IFI27L1: variants seen among roughly 807,000 people sequenced by gnomAD.
IFI27L1 encodes the protein interferon alpha-inducible protein 27-like protein 1.
Under a neutral mutation model 9.2 loss-of-function variants are expected in IFI27L1, and 3 were observed. That is an observed-to-expected ratio of 0.32 (90% CI 0.15 to 0.84). The LOEUF (loss-of-function observed/expected upper bound fraction) is 0.84. Ranked by LOEUF, IFI27L1 falls within the 40% of genes least tolerant of loss-of-function variation. The pLI is 0.56. For missense variants in IFI27L1, 133 were observed against 134.2 expected (o/e 0.99, Z 0.05); for synonymous variants, 53 against 50.0 (o/e 1.06, Z -0.26).
In IFI27L1 at chr14:94,092,555, A is replaced by C. The variant is rs573548457; in HGVS notation, c.-51-4332A>C. Among the ~76,000 whole-genome samples, 28 of 152,300 alleles carry C rather than the reference A, an allele frequency of 1.8e-4. No individual in the cohort carries two copies. In the South Asian group the frequency reaches 5.8e-3, roughly 32 times the overall value. On this transcript the variant is annotated intron_variant, in intron 1 of 4. Coordinates refer to ENST00000555523, the MANE Select transcript of IFI27L1 (RefSeq NM_206949.3). ...ACAAAAAAAACTTTACAGACAAATC[A>C]ATCTTAATCAGTTTGTCTATGAGGC...
intron 2 of IFI27L1, among the ~76,000 whole-genome samples, chr14:94,099,493 A>C (rs546333200): frequency 6.6e-6 from 1 of 152,186 alleles, no homozygotes; most frequent in Non-Finnish European, 1.5e-5. Flanking sequence ...GGAGTGATGC[A>C]GCCACAGGCC....
intron 2 of IFI27L1, among the ~76,000 whole-genome samples, chr14:94,099,449 C>T (rs577239054): frequency 2.0e-5 from 3 of 152,114 alleles, no homozygotes; most frequent in South Asian, 2.1e-4. Context: ...TCTCAGAGAG[C>T]GGGGAGTGAA....
intron 1 of IFI27L1, among the ~76,000 whole-genome samples, chr14:94,084,354 T>G (rs978161232): frequency 1.3e-5 from 2 of 152,036 alleles, no homozygotes; most frequent in African/African-American, 2.4e-5. Context: ...ATGCAAAAAT[T>G]AACCAGGCTT....
intron 2 of IFI27L1, among the ~76,000 whole-genome samples, chr14:94,098,967 C>G (rs1428711889): frequency 1.3e-5 from 2 of 152,310 alleles, no homozygotes; most frequent in African/African-American, 4.8e-5. Flanking sequence ...TGCCATTCTG[C>G]CTTTCCCTGA....
chr14:94,100,527 G>A (rs1462885314), intron 2 of IFI27L1: 25 of 985,280 alleles, frequency 2.5e-5, no homozygotes, highest in Admixed American at 6.1e-5. Flanking sequence ...CTTCTGATGC[G>A]GGGACCTGGG....
chr14:94,100,282 G>A, intron 2 of IFI27L1: 1 of 985,406 alleles, frequency 1.0e-6, no homozygotes, highest in Non-Finnish European at 1.2e-6. Flanking sequence ...TCTGTTACTT[G>A]GCTGAGACCA....
chr14:94,101,719 A>T, intron 3 of IFI27L1, 95 bp from the exon 4 acceptor site: 1 of 1,334,300 alleles, frequency 7.5e-7, no homozygotes, highest in Non-Finnish European at 1.1e-6. Context: ...CTGAGAGCAC[A>T]GCAGACCCCT....
intron 1 of IFI27L1, among the ~76,000 whole-genome samples, chr14:94,085,548 G>A (rs551509946): frequency 1.8e-4 from 28 of 152,118 alleles, no homozygotes; most frequent in African/African-American, 5.8e-4. Flanking sequence ...AACACATTTC[G>A]GCGAAACATC....
At chr14:94,098,075 G>C (rs1220313332) in intron 2 of IFI27L1, among the ~76,000 whole-genome samples, 3 of 152,208 alleles carry the variant, frequency 2.0e-5, no homozygotes, top group Non-Finnish European at 4.4e-5. Context: ...GGAGAGGCTA[G>C]TATGGCAGGG....
chr14:94,089,680 A>G (rs1007880555), intron 1 of IFI27L1, among the ~76,000 whole-genome samples: 3 of 152,046 alleles, frequency 2.0e-5, no homozygotes, highest in African/African-American at 7.3e-5. Flanking sequence ...GCCTTATTTT[A>G]CCCAGCTCTT....
In IFI27L1 at chr14:94,100,302, T is replaced by G. The variant is rs961982445; in HGVS notation, c.29-437T>G. The G allele has an allele frequency of 7.1e-6, 7 of 985,306 alleles. No individual in the cohort carries two copies. In the African/African-American group the frequency reaches 1.2e-4, roughly 17 times the overall value. The allele number at this position is 985,306 out of a possible 1,614,324, so 61.0% of individuals were successfully genotyped here. A position where few individuals can be genotyped will look rare whatever the true frequency, so the allele number is the denominator to read the frequency against. ...TACTTGGCTGAGACCAAGGCGCCTC[T>G]TCCTGGGGAGGTGGCTGAGCTCTTT... is the stretch of plus-strand genomic sequence containing the variant. On this transcript the variant is annotated intron_variant, in intron 2 of 4. Transcript: ENST00000555523.
At position 94,101,932 on chromosome 14, in the gene IFI27L1, C is replaced by T. The variant is rs150611249; in HGVS notation, c.180C>T (p.Gly60=). The stretch of plus-strand genomic sequence containing the variant: ...CTACAGCAGCCATTGCCAACGGGGG[C>T]GGAGTTGCTGCTGGCAGTCTGGTGG... The part of the protein sequence containing the change: ...MMSTAAIANG[G]GVAAGSLVAI... Residue 60 remains glycine, a synonymous_variant, in exon 4 of 5, where the codon GGC becomes GGT. Coordinates refer to ENST00000555523, the MANE Select transcript of IFI27L1 (RefSeq NM_206949.3). 1.3e-3 allele frequency: 2,101 copies of T among 1,614,212 alleles called. 5 individuals are homozygous for T. The highest frequency in any genetic ancestry group is 1.5e-3 in the Non-Finnish European group (1,794 of 1,180,034).
chr14:94,094,742 G>C (rs1437970745), intron 1 of IFI27L1: 1 of 152,146 alleles, frequency 6.6e-6, no homozygotes, highest in African/African-American at 2.4e-5. Flanking sequence ...TCTGGATTTG[G>C]CTTGAAGTCT....
At chr14:94,101,077 C>G in intron 3 of IFI27L1, 1 of 563,512 alleles carries the variant, frequency 1.8e-6, no homozygotes, top group South Asian at 2.3e-5. Context: ...AAAGCAGGGC[C>G]CATGGTATCC....
chr14:94,100,600 A>G (rs1886856658), intron 2 of IFI27L1, 139 bp from the exon 3 acceptor site: 3 of 1,557,620 alleles, frequency 1.9e-6, no homozygotes, highest in Non-Finnish European at 2.6e-6. Flanking sequence ...CCTCTGACCT[A>G]TGGCCTAGGA....
chr14:94,101,842 G>C lies in IFI27L1; in HGVS notation c.90G>C (p.Ala30=). The change falls in exon 4 of 5, where the codon GCG becomes GCC. Residue 30 remains alanine, a synonymous_variant. Transcript: ENST00000555523. ...TGGCTGTGGGGACTGTGCTCGTGGC[G>C]CTCAGTGCCATGGGCTTCACCTCAG... ...GVVAVGTVLV[A]LSAMGFTSVG... 2.5e-6 allele frequency: 4 copies of C among 1,614,234 alleles called. No homozygotes were observed. Among genetic ancestry groups the C allele is most frequent in the Non-Finnish European group, 3.4e-6 (4 of 1,180,044 alleles).
intron 1 of IFI27L1, among the ~76,000 whole-genome samples, chr14:94,096,059 A>G (rs1209394672): frequency 1.3e-5 from 2 of 152,040 alleles, no homozygotes; most frequent in African/African-American, 4.8e-5. Context: ...GGTCCTGAAA[A>G]TTTTCCTGAA....
chr14:94,087,733 GTT>G (rs892300076), intron 1 of IFI27L1, among the ~76,000 whole-genome samples: 1 of 147,250 alleles, frequency 6.8e-6, no homozygotes. Context: ...GCCGATTGTC[GTT>G]TTTTTTTTTA....
chr14:94,097,811 G>A lies in IFI27L1; in HGVS notation c.28+846G>A, dbSNP rs1886729576. ...TTACAGAGGCTGGGCAGCTGTTGGA[G>A]GGACAGCTTCCAGAGGGGAAATGGG... is the stretch of plus-strand genomic sequence containing the variant. On this transcript the variant is annotated intron_variant, in intron 2 of 4. Transcript: ENST00000555523. 4 of 643,098 alleles carry A rather than the reference G, an allele frequency of 6.2e-6. No individual in the cohort carries two copies. The East Asian group carries it at 1.1e-4, about 18-fold the overall frequency. 39.8% of individuals were successfully genotyped at this position (643,098 alleles called of 1,614,324 possible).
Sources: allele counts gnomAD v4.1 joint callset (sites outside exome capture counted in the v4.1 genomes callset), GRCh38; gene constraint gnomAD v4.1.1; transcripts MANE v1.5; gene names NCBI Gene and HGNC (gene_info 2026-07-23, HGNC 2026-07-21).